DNAH9: variants seen among roughly 807,000 people sequenced by gnomAD.
The protein encoded by DNAH9 is dynein axonemal heavy chain 9.
A neutral mutation model predicts 471.6 loss-of-function variants in DNAH9; 345 were observed. The ratio of observed to expected loss-of-function variants is 0.73; its 90% CI spans 0.67 to 0.80. DNAH9 has a LOEUF of 0.80. Among genes scored for constraint, DNAH9 ranks in the 30% least tolerant of loss-of-function variants. DNAH9 has a pLI of 0.00. For synonymous variants in DNAH9, 2,093 were observed against 2,123.6 expected, an observed-to-expected ratio of 0.99 and a Z score of 0.40; for missense variants, 5,407 against 5,609.2, an observed-to-expected ratio of 0.96 and a Z score of 1.15.
chr17:11,853,998 C>T lies in DNAH9; in HGVS notation c.9508-5C>T, dbSNP rs577187254. 6.2e-7 allele frequency: 1 copy of T among 1,612,208 alleles called. No homozygotes were observed. Among genetic ancestry groups the T allele is most frequent in the Non-Finnish European group, 8.5e-7 (1 of 1,178,664 alleles). On this transcript the variant is annotated splice_polypyrimidine_tract_variant and splice_region_variant and intron_variant, in intron 49 of 68. Transcript: ENST00000262442. ...TCCCCTAACCACCTCCTTCTCTTTT[C>T]CCAGACCAACCTGACAGAGCTGAAG...
chr17:11,927,421 G>GTTAATT (rs1974369402), intron 62 of DNAH9, among the ~76,000 whole-genome samples: 1 of 152,156 alleles, frequency 6.6e-6, no homozygotes, highest in African/African-American at 2.4e-5. Context: ...TCTGTGTTGA[G>GTTAATT]TTAATTTTTT....
At chr17:11,778,672 G>A (rs1046939043) in intron 38 of DNAH9, among the ~76,000 whole-genome samples, 2 of 152,120 alleles carry the variant, frequency 1.3e-5, no homozygotes, top group Non-Finnish European at 2.9e-5. Flanking sequence ...GGCAGCAGTG[G>A]AGACGGCGAA....
At chr17:11,961,720 C>A in intron 67 of DNAH9, 147 bp from the exon 68 acceptor site, 1 of 987,428 alleles carries the variant, frequency 1.0e-6, no homozygotes, top group Non-Finnish European at 1.5e-6. Flanking sequence ...GTGTCACCTA[C>A]CCCTGGAGTT....
At position 11,762,758 on chromosome 17, in the gene DNAH9, G is replaced by GTTTTTTT. The variant is rs111963634; in HGVS notation, c.6996-677_6996-671dup. Among the ~76,000 whole-genome samples the GTTTTTTT allele has an allele frequency of 7.0e-4, 66 of 94,730 alleles. 4 individuals are homozygous for GTTTTTTT. The highest frequency in any genetic ancestry group is 1.5e-3 in the Admixed American group (11 of 7,290). 62.1% of individuals were successfully genotyped at this position (94,730 alleles called of 152,430 possible). ...GCACCAAAATTGCCTCTTTAGGTGC[G>GTTTTTTT]TTTTTTTTTTTGTTTTTTTTTTTTT... On this transcript the variant is annotated intron_variant, in intron 35 of 68. Transcript: ENST00000262442.
intron 52 of DNAH9, among the ~76,000 whole-genome samples, chr17:11,872,424 G>T (rs768745490): frequency 1.4e-5 from 2 of 148,012 alleles, no homozygotes; most frequent in African/African-American, 5.0e-5. Flanking sequence ...CATTAAAGGG[G>T]ATTCAAAGCT....
chr17:11,880,167 C>T lies in DNAH9; in HGVS notation c.10568C>T (p.Pro3523Leu), dbSNP rs768501427. ...GAGTCCATTGATCCTGTTCTGGGAC[C>T]CCTGCTTGGGAGAGAAGTCATTAAA... is the stretch of plus-strand genomic sequence containing the variant. ...LEESIDPVLG[P>L]LLGREVIKKG... Residue 3523 changes from proline to leucine, a missense_variant, in exon 54 of 69, where the codon CCC (proline) becomes CTC (leucine). Transcript: ENST00000262442. The T allele has an allele frequency of 6.2e-7, 1 of 1,613,758 alleles. No individual in the cohort carries two copies. Among genetic ancestry groups the T allele is most frequent in the South Asian group, 1.1e-5 (1 of 91,046 alleles).
intron 24 of DNAH9, 78 bp downstream of exon 24, chr17:11,701,325 G>A (rs1353078784): frequency 1.3e-5 from 20 of 1,515,108 alleles, no homozygotes; most frequent in South Asian, 1.3e-4. Context: ...TTCAGCAGCT[G>A]GTAGATATCA....
chr17:11,727,050 A>C (rs2075165867), intron 27 of DNAH9, among the ~76,000 whole-genome samples: 2 of 11,470 alleles, frequency 1.7e-4, no homozygotes, highest in Non-Finnish European at 1.4e-3. Flanking sequence ...TCCGTCTCAA[A>C]AAAAAAAAAA....
rs183346684 is a variant in DNAH9, at chr17:11,867,921, T to C, written c.9934-1213T>C. ...AGGCTTCCAATTAATCTTCATATTT[T>C]CATCTTCCCCTTCAATCACACCTGA... is the stretch of plus-strand genomic sequence containing the variant. On this transcript the variant is annotated intron_variant, in intron 50 of 68. Transcript: ENST00000262442. 2.7e-4 allele frequency among the ~76,000 whole-genome samples: 41 copies of C among 152,330 alleles called. No individual in the cohort carries two copies. The South Asian group carries it at 3.3e-3, about 12-fold the overall frequency.
At chr17:11,745,813 A>G (rs1357994696) in intron 31 of DNAH9, among the ~76,000 whole-genome samples, 1 of 152,230 alleles carries the variant, frequency 6.6e-6, no homozygotes, top group African/African-American at 2.4e-5. Context: ...GAGGATGGGA[A>G]GATAAAGGCA....
intron 43 of DNAH9, among the ~76,000 whole-genome samples, chr17:11,800,866 A>G (rs1969429222): frequency 6.6e-6 from 1 of 152,228 alleles, no homozygotes; most frequent in Admixed American, 6.5e-5. Flanking sequence ...GGAACCTAGC[A>G]GGTGCTCAGT....
intron 17 of DNAH9, among the ~76,000 whole-genome samples, chr17:11,671,746 G>A (rs1191865672): frequency 1.3e-5 from 2 of 152,198 alleles, no homozygotes; most frequent in Non-Finnish European, 2.9e-5. Context: ...GATGTGAAAG[G>A]ATCAAAAACA....
chr17:11,867,657 C>T (rs1449708903), intron 50 of DNAH9, among the ~76,000 whole-genome samples: 2 of 152,170 alleles, frequency 1.3e-5, no homozygotes, highest in African/African-American at 2.4e-5. Flanking sequence ...TCTAAGCCTG[C>T]ATTAAATCTC....
intron 36 of DNAH9, among the ~76,000 whole-genome samples, chr17:11,767,731 T>C (rs1306156758): frequency 2.0e-5 from 3 of 152,080 alleles, no homozygotes; most frequent in Non-Finnish European, 4.4e-5. Context: ...CACAATAAGA[T>C]GGTTTGAGTA....
chr17:11,799,983 C>T (rs564114561), intron 43 of DNAH9, among the ~76,000 whole-genome samples: 1 of 152,276 alleles, frequency 6.6e-6, no homozygotes, highest in African/African-American at 2.4e-5. Flanking sequence ...GATCTGCATC[C>T]ATAAATATCA....
At chr17:11,861,427 T>A (rs1305370418) in intron 50 of DNAH9, among the ~76,000 whole-genome samples, 1 of 152,010 alleles carries the variant, frequency 6.6e-6, no homozygotes, top group Non-Finnish European at 1.5e-5. Context: ...TCTATCATTG[T>A]TGGACATTTG....
chr17:11,599,739 G>A (rs1946437502), intron 1 of DNAH9, among the ~76,000 whole-genome samples: 1 of 152,172 alleles, frequency 6.6e-6, no homozygotes, highest in Non-Finnish European at 1.5e-5. Context: ...CAGGCTGTGT[G>A]CTTATGGAGG....
intron 35 of DNAH9, among the ~76,000 whole-genome samples, chr17:11,759,037 T>C (rs910218177): frequency 6.6e-6 from 1 of 151,418 alleles, no homozygotes; most frequent in African/African-American, 2.4e-5. Context: ...AGCCAAGAGT[T>C]AGAAAACCAG....
At chr17:11,739,499 C>A (rs555524595) in intron 29 of DNAH9, among the ~76,000 whole-genome samples, 3 of 151,992 alleles carry the variant, frequency 2.0e-5, no homozygotes, top group Non-Finnish European at 4.4e-5. Context: ...GCATATAAAT[C>A]TTTTTTTTCC....
Sources: gnomAD v4.1 joint callset for allele counts (sites outside exome capture counted in the v4.1 genomes callset) on GRCh38, gnomAD v4.1.1 for gene constraint, MANE v1.5 for transcripts, NCBI Gene and HGNC (gene_info 2026-07-23, HGNC 2026-07-21) for gene names.